Variants in SEMA6D observed in about 807,000 individuals in gnomAD.
SEMA6D encodes semaphorin 6D.
In SEMA6D, 35 loss-of-function variants were observed where a neutral mutation model predicts 106.6. The ratio of observed to expected loss-of-function variants is 0.33; its 90% CI spans 0.25 to 0.44. SEMA6D has a LOEUF of 0.44. SEMA6D is among the 20% of genes least tolerant of loss of function. The pLI is 1.00. For missense variants in SEMA6D, 1,185 were observed against 1,345.9 expected (o/e 0.88, Z 1.87); for synonymous variants, 499 against 487.7 (o/e 1.02, Z -0.31).
At chr15:47,239,271 A>G (rs1238413319) in intron 1 of SEMA6D, among the ~76,000 whole-genome samples, 2 of 152,182 alleles carry the variant, frequency 1.3e-5, no homozygotes, top group East Asian at 3.9e-4. Context: ...AGTTGCAGGA[A>G]AACAAGCTCA....
chr15:47,190,928 G>C (rs528316578), intron 1 of SEMA6D, among the ~76,000 whole-genome samples: 1 of 152,234 alleles, frequency 6.6e-6, no homozygotes, highest in South Asian at 2.1e-4. Flanking sequence ...GCAGAACTTT[G>C]GGAGGCTGAG....
At chr15:47,651,046 A>G (rs2077679798) in intron 4 of SEMA6D, among the ~76,000 whole-genome samples, 1 of 152,110 alleles carries the variant, frequency 6.6e-6, no homozygotes, top group African/African-American at 2.4e-5. Flanking sequence ...ACAGAGCTTT[A>G]CCTTAATGAC....
At chr15:47,756,293 C>G (rs1356964870) in intron 1 of SEMA6D, among the ~76,000 whole-genome samples, 2 of 151,804 alleles carry the variant, frequency 1.3e-5, no homozygotes, top group Non-Finnish European at 2.9e-5. Context: ...TATACATAAA[C>G]AGTTTAGCAA....
chr15:47,497,206 T>C (rs890884289), intron 3 of SEMA6D, among the ~76,000 whole-genome samples: 10 of 152,108 alleles, frequency 6.6e-5, no homozygotes, highest in Admixed American at 1.3e-4. Context: ...TGTTCGATTC[T>C]ATTTCTTGCT....
chr15:47,311,976 C>G (rs1332249078), intron 1 of SEMA6D, among the ~76,000 whole-genome samples: 1 of 152,150 alleles, frequency 6.6e-6, no homozygotes, highest in South Asian at 2.1e-4. Context: ...CAGTTTTTAT[C>G]CAGTATAGCA....
chr15:47,348,718 C>CAGAGAGAGAGAGAGAGAGAGA (rs1379277513), intron 1 of SEMA6D, among the ~76,000 whole-genome samples: 3 of 48,010 alleles, frequency 6.2e-5, no homozygotes, highest in Non-Finnish European at 1.0e-4. Context: ...CACACACACA[C>CAGAGAGAGAGAGAGAGAGAGA]CACACACACA....
chr15:47,322,699 A>G (rs1387299194), intron 1 of SEMA6D, among the ~76,000 whole-genome samples: 1 of 151,942 alleles, frequency 6.6e-6, no homozygotes, highest in African/African-American at 2.4e-5. Context: ...CTTGGGGGAG[A>G]TACTTTCAGT....
chr15:47,761,334 A>G lies in SEMA6D; in HGVS notation c.350A>G (p.Glu117Gly). 6.2e-7 allele frequency: 1 copy of G among 1,612,566 alleles called. No individual in the cohort carries two copies. The highest frequency in any genetic ancestry group is 8.5e-7 in the Non-Finnish European group (1 of 1,179,446). The change falls in exon 6 of 19, where the codon GAA (glutamate) becomes GGA (glycine). Residue 117 changes from glutamate to glycine, a missense_variant. By Grantham distance (98) the Glu-to-Gly change is moderately conservative. Around this residue, in one of 3 missense-constraint regions of SEMA6D, gnomAD observed 144 missense variants for 138.6 expected, o/e 1.04. Transcript: ENST00000536845. ...NCAMKGKHKD[E>G]CHNFIKVFVP... The stretch of plus-strand genomic sequence containing the variant: ...TGTAACTACTACTTTCTTTAGGATG[A>G]ATGCCACAACTTTATCAAAGTATTT...
At chr15:47,635,849 G>C (rs1432987931) in intron 4 of SEMA6D, among the ~76,000 whole-genome samples, 1 of 151,772 alleles carries the variant, frequency 6.6e-6, no homozygotes, top group African/African-American at 2.4e-5. Flanking sequence ...CAAATGTCAT[G>C]CATGTTTTAA....
At chr15:47,508,916 G>T (rs928793113) in intron 3 of SEMA6D, among the ~76,000 whole-genome samples, 5 of 152,108 alleles carry the variant, frequency 3.3e-5, no homozygotes, top group Admixed American at 1.3e-4. Context: ...ATAATGCATA[G>T]AACAGTGCCT....
intron 1 of SEMA6D, among the ~76,000 whole-genome samples, chr15:47,751,645 C>T (rs924611293): frequency 1.6e-4 from 24 of 152,146 alleles, no homozygotes; most frequent in African/African-American, 5.8e-4. Flanking sequence ...CCCCCTGGGT[C>T]TGCTGCCCTC....
chr15:47,643,184 ACCT>A (rs2077520936), intron 4 of SEMA6D, among the ~76,000 whole-genome samples: 1 of 152,124 alleles, frequency 6.6e-6, no homozygotes, highest in Non-Finnish European at 1.5e-5. Context: ...TGACAAGAAG[ACCT>A]CCTGTAGAAT....
intron 1 of SEMA6D, among the ~76,000 whole-genome samples, chr15:47,188,324 A>G (rs1280538842): frequency 6.6e-6 from 1 of 152,170 alleles, no homozygotes; most frequent in Admixed American, 6.5e-5. Context: ...TGTGAAGAAA[A>G]TGCTTTGAAT....
At chr15:47,466,456 G>A (rs1407601530) in intron 2 of SEMA6D, among the ~76,000 whole-genome samples, 5 of 152,012 alleles carry the variant, frequency 3.3e-5, no homozygotes, top group Non-Finnish European at 5.9e-5. Flanking sequence ...TGTCCTCAAA[G>A]TTCATTCATG....
chr15:47,461,196 T>C (rs2042497458), intron 2 of SEMA6D, among the ~76,000 whole-genome samples: 1 of 152,106 alleles, frequency 6.6e-6, no homozygotes, highest in Non-Finnish European at 1.5e-5. Context: ...AAGCCTTTGG[T>C]GACCACATTG....
At chr15:47,477,105 A>AT (rs2043024320) in intron 3 of SEMA6D, among the ~76,000 whole-genome samples, 1 of 152,164 alleles carries the variant, frequency 6.6e-6, no homozygotes, top group Non-Finnish European at 1.5e-5. Flanking sequence ...CAAACTGGAT[A>AT]TTTTTTTAAA....
chr15:47,436,167 A>C (rs1251684050), intron 2 of SEMA6D, among the ~76,000 whole-genome samples: 3 of 152,070 alleles, frequency 2.0e-5, no homozygotes, highest in Non-Finnish European at 4.4e-5. Flanking sequence ...AGGCAGGTGG[A>C]TCACCTGAGG....
intron 3 of SEMA6D, among the ~76,000 whole-genome samples, chr15:47,596,803 G>A (rs2076545926): frequency 6.6e-6 from 1 of 151,976 alleles, no homozygotes; most frequent in Non-Finnish European, 1.5e-5. Flanking sequence ...GGGCTCAAAT[G>A]TAAGTTCTGG....
rs777257782 is a variant in SEMA6D at position 47,771,595 on chromosome 15, A to T, written c.3032A>T (p.Tyr1011Phe). 1.2e-6 allele frequency: 2 copies of T among 1,614,002 alleles called. No individual in the cohort carries two copies. The highest frequency in any genetic ancestry group is 3.3e-5 in the Admixed American group (2 of 59,990). ...ACCCCCACTGGGGCGAAGGTGGACT[A>T]TATTCAGGGAACACCAGTGAGTGTT... Reference protein sequence around the residue: ...MPTPTGAKVDYIQGTPVSVHL... With the variant: ...MPTPTGAKVDFIQGTPVSVHL... Residue 1011 changes from tyrosine to phenylalanine, a missense_variant, in exon 19 of 19, where the codon TAT becomes TTT. By Grantham distance (22) the Tyr-to-Phe change is conservative. Transcript: ENST00000536845.
Sources: gnomAD v4.1 joint callset for allele counts (sites outside exome capture counted in the v4.1 genomes callset) on GRCh38, gnomAD v4.1.1 for gene constraint, gnomAD v4.1.1 regional missense constraint, MANE v1.5 for transcripts, NCBI Gene and HGNC (gene_info 2026-07-23, HGNC 2026-07-21) for gene names.